EYS: variants seen among roughly 807,000 people sequenced by gnomAD.
EYS encodes protein eyes shut homolog.
In EYS, 250 loss-of-function variants were observed where a neutral mutation model predicts 282.1. The ratio of observed to expected loss-of-function variants is 0.89; its 90% CI spans 0.80 to 0.98. The LOEUF is 0.98. Among genes scored for constraint, EYS ranks in the 50% least tolerant of loss-of-function variants. The pLI is 0.00. For missense variants in EYS, 4,016 were observed against 3,709.0 expected, an observed-to-expected ratio of 1.08 and a Z score of -2.15; for synonymous variants, 1,355 against 1,282.9, an observed-to-expected ratio of 1.06 and a Z score of -1.20.
At chr6:65,223,867 C>A (rs1444470802) in intron 12 of EYS, among the ~76,000 whole-genome samples, 1 of 152,140 alleles carries the variant, frequency 6.6e-6, no homozygotes, top group African/African-American at 2.4e-5. Flanking sequence ...TGTACTCAAC[C>A]TGGGCAGCTT....
chr6:65,176,847 C>A (rs912121096), intron 12 of EYS, among the ~76,000 whole-genome samples: 2 of 151,552 alleles, frequency 1.3e-5, no homozygotes, highest in African/African-American at 2.4e-5. Flanking sequence ...CAGTAAAATA[C>A]ATGCTAATTA....
chr6:65,193,043 G>C (rs191825756), intron 12 of EYS, among the ~76,000 whole-genome samples: 1 of 151,870 alleles, frequency 6.6e-6, no homozygotes, highest in East Asian at 2.0e-4. Flanking sequence ...TAGAACTGGA[G>C]GTCATTAAGT....
chr6:64,612,615 T>G (rs147323457), intron 24 of EYS, among the ~76,000 whole-genome samples: 20 of 152,188 alleles, frequency 1.3e-4, no homozygotes, highest in African/African-American at 4.3e-4. Context: ...TTGTCATAGC[T>G]CTAAACATTA....
intron 2 of EYS, among the ~76,000 whole-genome samples, chr6:65,579,593 C>T (rs143509703): frequency 1.1e-3 from 171 of 152,050 alleles, no homozygotes; most frequent in African/African-American, 3.8e-3. Context: ...TTGCAGATGA[C>T]CATCTTCTCC....
chr6:63,811,620 C>T (rs1042910632), intron 36 of EYS, among the ~76,000 whole-genome samples: 6 of 152,188 alleles, frequency 3.9e-5, no homozygotes, highest in Non-Finnish European at 8.8e-5. Context: ...CTGCTTTTTT[C>T]CAGAGCTCCA....
chr6:64,562,642 T>C lies in EYS; in HGVS notation c.5644+27581A>G, dbSNP rs192173100. ...CTAATTTATTAGAGAGAGAAAGAGA[T>C]CTGAACTGGGAAGATTTAAGATTTT... On this transcript the variant is annotated intron_variant, in intron 26 of 42. Coordinates refer to ENST00000503581, the MANE Select transcript of EYS (RefSeq NM_001142800.2). Among the ~76,000 whole-genome samples, 381 of 152,000 alleles carry C rather than the reference T, an allele frequency of 2.5e-3. 1 individual carries two copies. The highest frequency in any genetic ancestry group is 2.6e-3 in the Non-Finnish European group (178 of 67,814).
chr6:64,404,380 AGTGT>A (rs59373630), intron 28 of EYS, among the ~76,000 whole-genome samples: 12,368 of 93,626 alleles, frequency 0.13, 481 homozygotes, highest in East Asian at 0.17. Flanking sequence ...AGAGTGTGAG[AGTGT>A]GTGTGTGTGT....
At chr6:64,077,092 T>C (rs1425422207) in intron 32 of EYS, among the ~76,000 whole-genome samples, 2 of 152,000 alleles carry the variant, frequency 1.3e-5, no homozygotes, top group Non-Finnish European at 1.5e-5. Flanking sequence ...TGAATGACAA[T>C]GCATTAATTC....
intron 1 of EYS, among the ~76,000 whole-genome samples, chr6:65,688,219 T>C (rs1164134617): frequency 6.6e-6 from 1 of 152,134 alleles, no homozygotes; most frequent in Non-Finnish European, 1.5e-5. Context: ...AGCATGGTAC[T>C]GGTACCAAAA....
chr6:63,901,046 T>G (rs1430992653), intron 35 of EYS, among the ~76,000 whole-genome samples: 3 of 152,222 alleles, frequency 2.0e-5, no homozygotes, highest in Non-Finnish European at 4.4e-5. Context: ...CAGTAGAAAT[T>G]ATCTCTGAGT....
intron 26 of EYS, among the ~76,000 whole-genome samples, chr6:64,573,977 G>A (rs1160388198): frequency 6.6e-6 from 1 of 152,098 alleles, no homozygotes; most frequent in African/African-American, 2.4e-5. Context: ...ACATACACAT[G>A]TATGTTTATT....
At chr6:65,548,092 T>C (rs560825678) in intron 2 of EYS, among the ~76,000 whole-genome samples, 4 of 152,342 alleles carry the variant, frequency 2.6e-5, no homozygotes, top group East Asian at 3.9e-4. Flanking sequence ...CTTTGGTATA[T>C]AGTTTATTCT....
rs115780077 is a variant in EYS at position 64,385,690 on chromosome 6, C to T, written c.6078+3000G>A. Among the ~76,000 whole-genome samples, 230 of 152,322 alleles carry T rather than the reference C, an allele frequency of 1.5e-3. 1 individual carries two copies. Among genetic ancestry groups the T allele is most frequent in the African/African-American group, 5.1e-3 (210 of 41,584 alleles). ...CAAAACTCTGTCCTCCCCTACATAA[C>T]AACCTCTCTGACTTATTAACAAGCT... On this transcript the variant is annotated intron_variant, in intron 29 of 42. Coordinates refer to ENST00000503581, the MANE Select transcript of EYS (RefSeq NM_001142800.2).
intron 2 of EYS, among the ~76,000 whole-genome samples, chr6:65,568,538 CAT>C (rs1489269828): frequency 1.4e-4 from 21 of 152,240 alleles, no homozygotes; most frequent in African/African-American, 3.6e-4. Flanking sequence ...CTTTTTAACA[CAT>C]GTTTATGTTT....
At chr6:64,729,936 A>G (rs1308709855) in intron 22 of EYS, among the ~76,000 whole-genome samples, 2 of 152,226 alleles carry the variant, frequency 1.3e-5, no homozygotes, top group Non-Finnish European at 2.9e-5. Flanking sequence ...AAAGACATTA[A>G]TAACAGAAGA....
intron 31 of EYS, among the ~76,000 whole-genome samples, chr6:64,206,916 C>G (rs1295461544): frequency 2.0e-5 from 3 of 152,044 alleles, no homozygotes; most frequent in Admixed American, 2.0e-4. Flanking sequence ...ATTATTTCAT[C>G]ACCCAGGTAT....
Position 64,325,096 on chromosome 6 carries a change from G to GA in EYS, c.6079-18015dup, listed in dbSNP as rs1441992393. Among the ~76,000 whole-genome samples, 5 of 152,144 alleles carry GA rather than the reference G, an allele frequency of 3.3e-5. No individual in the cohort carries two copies. The East Asian group carries it at 7.7e-4, about 23-fold the overall frequency. On this transcript the variant is annotated intron_variant, in intron 29 of 42. Coordinates refer to ENST00000503581, the MANE Select transcript of EYS (RefSeq NM_001142800.2). ...ACCAAAGTCATTCTTCACAGCATTA[G>GA]AAAAAAGCTATTCTAAAAGAACAAA...
intron 31 of EYS, among the ~76,000 whole-genome samples, chr6:64,224,316 C>T (rs1403996906): frequency 2.0e-5 from 3 of 151,982 alleles, no homozygotes; most frequent in African/African-American, 7.2e-5. Flanking sequence ...CATCTTCTTC[C>T]CCACCATAAT....
chr6:65,398,858 T>C (rs557633948), intron 7 of EYS, among the ~76,000 whole-genome samples: 1 of 152,242 alleles, frequency 6.6e-6, no homozygotes, highest in South Asian at 2.1e-4. Flanking sequence ...TACAGATTTT[T>C]CCATTTTGGA....
Sources: allele counts gnomAD v4.1 joint callset (sites outside exome capture counted in the v4.1 genomes callset), GRCh38; gene constraint gnomAD v4.1.1; transcripts MANE v1.5; gene names NCBI Gene and HGNC (gene_info 2026-07-23, HGNC 2026-07-21).